The following TMEM248 variants were observed in gnomAD, a reference collection of about 807,000 sequenced individuals.
TMEM248 encodes the protein transmembrane protein 248.
Under a neutral mutation model 30.3 loss-of-function variants are expected in TMEM248, and 9 were observed. The ratio of observed to expected loss-of-function variants is 0.30; its 90% CI spans 0.18 to 0.52. TMEM248 has a LOEUF of 0.52. Ranked by LOEUF, TMEM248 falls within the 20% of genes least tolerant of loss-of-function variation. The probability of loss-of-function intolerance (pLI) is 0.97; values close to 1 mark genes in which losing one functional copy is unlikely to be tolerated. For synonymous variants in TMEM248, 184 were observed against 154.4 expected, an observed-to-expected ratio of 1.19 and a Z score of -1.42; for missense variants, 338 against 403.3, an observed-to-expected ratio of 0.84 and a Z score of 1.39.
intron 3 of TMEM248, among the ~76,000 whole-genome samples, chr7:66,946,803 G>A (rs950963041): frequency 1.3e-5 from 2 of 152,234 alleles, no homozygotes; most frequent in African/African-American, 4.8e-5. Context: ...GACTGTAAGT[G>A]TTGCAGGAGA....
intron 2 of TMEM248, among the ~76,000 whole-genome samples, chr7:66,944,476 A>G (rs1343071704): frequency 6.6e-6 from 1 of 152,198 alleles, no homozygotes; most frequent in Non-Finnish European, 1.5e-5. Context: ...AGTGTCCCAA[A>G]TGAGTATTAG....
intron 4 of TMEM248, among the ~76,000 whole-genome samples, chr7:66,949,391 C>A (rs969855989): frequency 1.3e-4 from 20 of 152,188 alleles, no homozygotes; most frequent in African/African-American, 4.3e-4. Context: ...GAGGCTAAAG[C>A]AGGGAGGCAG....
chr7:66,951,175 C>A (rs766703584), intron 5 of TMEM248, 40 bp downstream of exon 5: 12 of 1,516,188 alleles, frequency 7.9e-6, no homozygotes, highest in Non-Finnish European at 1.1e-5. Context: ...TGCGTGCATG[C>A]ATATGCACAT....
At chr7:66,924,467 C>T (rs1379367945) in intron 1 of TMEM248, among the ~76,000 whole-genome samples, 4 of 152,250 alleles carry the variant, frequency 2.6e-5, no homozygotes, top group Middle Eastern at 3.4e-3. Flanking sequence ...TACAGTGGCG[C>T]GATCTCAGCT....
At chr7:66,944,838 G>A (rs896989127) in intron 2 of TMEM248, 138 bp from the exon 3 acceptor site, 2 of 889,764 alleles carry the variant, frequency 2.2e-6, no homozygotes, top group African/African-American at 1.7e-5. Context: ...TGGCCGAGTT[G>A]TCATGATCTT....
rs776877187 is a variant in TMEM248, at chr7:66,944,983, A to G, written c.167A>G (p.Asn56Ser). Residue 56 changes from asparagine (N) to serine (S), a missense_variant, in exon 3 of 7, where the codon AAT becomes AGT. Asn to Ser is a conservative substitution (Grantham distance 46). Transcript: ENST00000341567. Reference sequence around the variant, plus strand: ...TCTTTCACTTTCCCAAAGGATTGGAATACTTTTCTGCTACGGTTCAATGAT... The same window carrying G: ...TCTTTCACTTTCCCAAAGGATTGGAGTACTTTTCTGCTACGGTTCAATGAT... ...IKSPEMAEDW[N>S]TFLLRFNDLD... 7 of 1,613,942 alleles carry G rather than the reference A, an allele frequency of 4.3e-6. No homozygotes were observed. The highest frequency in any genetic ancestry group is 5.9e-6 in the Non-Finnish European group (7 of 1,179,778).
rs142896553 is a variant in TMEM248 at position 66,956,706 on chromosome 7, G to T, written c.*1184G>T. 6.6e-6 allele frequency: 1 copy of T among 151,782 alleles called. No homozygotes were observed. The highest frequency in any genetic ancestry group is 1.5e-5 in the Non-Finnish European group (1 of 67,988). 9.4% of individuals were successfully genotyped at this position (151,782 alleles called of 1,614,324 possible). On this transcript the variant is annotated 3_prime_UTR_variant, in exon 7 of 7. Transcript: ENST00000341567. ...TCTTTTTCTTTTTTTTTGGAGGGGG[G>T]AGGCAGGGTCTTGCTCTGTCCCTCA...
intron 1 of TMEM248, among the ~76,000 whole-genome samples, chr7:66,940,054 A>T (rs1160050365): frequency 6.6e-6 from 1 of 152,078 alleles, no homozygotes; most frequent in East Asian, 1.9e-4. Context: ...CCCAGGTTCA[A>T]GTGATTCTCC....
At chr7:66,931,802 T>G (rs1304078719) in intron 1 of TMEM248, among the ~76,000 whole-genome samples, 1 of 126,040 alleles carries the variant, frequency 7.9e-6, no homozygotes, top group African/African-American at 3.1e-5. Flanking sequence ...CTTTTTTTTT[T>G]TTTTTTTTTT....
At chr7:66,935,381 C>G (rs1791774996) in intron 1 of TMEM248, among the ~76,000 whole-genome samples, 1 of 152,210 alleles carries the variant, frequency 6.6e-6, no homozygotes, top group Admixed American at 6.5e-5. Flanking sequence ...CAGGGTTTCA[C>G]CATGTTAGCC....
At chr7:66,949,156 AG>A (rs1461392257) in intron 4 of TMEM248, among the ~76,000 whole-genome samples, 1 of 150,962 alleles carries the variant, frequency 6.6e-6, no homozygotes, top group Non-Finnish European at 1.5e-5. Context: ...AAAAAAAAAA[AG>A]AAAGAAAAAG....
At chr7:66,924,951 C>T (rs1468622411) in intron 1 of TMEM248, among the ~76,000 whole-genome samples, 5 of 151,980 alleles carry the variant, frequency 3.3e-5, no homozygotes, top group Non-Finnish European at 7.4e-5. Context: ...CCTCGTGATC[C>T]GCCCGCCTTG....
At chr7:66,926,177 G>A (rs1222414407) in intron 1 of TMEM248, among the ~76,000 whole-genome samples, 1 of 152,172 alleles carries the variant, frequency 6.6e-6, no homozygotes, top group Non-Finnish European at 1.5e-5. Context: ...TCGGTCTCTT[G>A]AGAAACATCT....
intron 5 of TMEM248, 56 bp downstream of exon 5, chr7:66,951,191 C>T (rs1272406862): frequency 6.2e-6 from 9 of 1,455,514 alleles, no homozygotes; most frequent in Non-Finnish European, 8.2e-6. Flanking sequence ...CACATGTGTG[C>T]GCATGTGCTG....
In TMEM248 at chr7:66,927,623, TG is replaced by T. The variant is rs1213910660; in HGVS notation, c.-19+6163del. Among the ~76,000 whole-genome samples the T allele has an allele frequency of 4.1e-5, 6 of 144,684 alleles. No homozygotes were observed. In the South Asian group the frequency reaches 6.9e-4, roughly 17 times the overall value. The allele number at this position is 144,684 out of a possible 152,430, so 94.9% of individuals were successfully genotyped here. A position where few individuals can be genotyped will look rare whatever the true frequency, so the allele number is the denominator to read the frequency against. On this transcript the variant is annotated intron_variant, in intron 1 of 6. Transcript: ENST00000341567. The stretch of plus-strand genomic sequence containing the variant: ...AGCTAATTTTTTTTAATTTGGGTTT[TG>T]TTTTTTTTTTTTTTTAGGGACGGGG...
chr7:66,948,742 C>A (rs371309758), intron 4 of TMEM248, 48 bp downstream of exon 4: 292 of 1,576,316 alleles, frequency 1.9e-4, no homozygotes, highest in South Asian at 6.0e-4. Flanking sequence ...GCTCCACTTG[C>A]CGTGAGTACG....
intron 1 of TMEM248, among the ~76,000 whole-genome samples, chr7:66,923,358 C>A (rs1325579004): frequency 1.3e-5 from 2 of 150,600 alleles, no homozygotes; most frequent in African/African-American, 4.9e-5. Context: ...GTTGGCCAGG[C>A]CTTGAACTCC....
rs1401702458 is a variant in TMEM248 at position 66,958,391 on chromosome 7, C to T, written c.*2869C>T. Reference sequence around the variant, plus strand: ...GGCTTCAGCTTCCTGGGTTTTCACCCTTCCTGCAGGCACTGTGGGGTCCTG... The same window carrying T: ...GGCTTCAGCTTCCTGGGTTTTCACCTTTCCTGCAGGCACTGTGGGGTCCTG... On this transcript the variant is annotated 3_prime_UTR_variant, in exon 7 of 7. Coordinates refer to ENST00000341567, the MANE Select transcript of TMEM248 (RefSeq NM_017994.5). 1 of 152,636 alleles carries T rather than the reference C, an allele frequency of 6.6e-6. No homozygotes were observed. Among genetic ancestry groups the T allele is most frequent in the Non-Finnish European group, 1.5e-5 (1 of 68,046 alleles). The allele number at this position is 152,636 out of a possible 1,614,324, so 9.5% of individuals were successfully genotyped here.
intron 1 of TMEM248, among the ~76,000 whole-genome samples, chr7:66,923,809 G>A (rs1040139488): frequency 6.6e-6 from 1 of 152,096 alleles, no homozygotes; most frequent in South Asian, 2.1e-4. Flanking sequence ...GGGACTACAG[G>A]TGCATGCCGC....
Sources: gnomAD v4.1 joint callset for allele counts (sites outside exome capture counted in the v4.1 genomes callset) on GRCh38, gnomAD v4.1.1 for gene constraint, MANE v1.5 for transcripts, NCBI Gene and HGNC (gene_info 2026-07-23, HGNC 2026-07-21) for gene names.